Variants in SNRK observed in about 807,000 individuals in gnomAD.
SNRK encodes SNF related kinase, also known as SNF-related serine/threonine-protein kinase.
Under a neutral mutation model 48.2 loss-of-function variants are expected in SNRK, and 3 were observed. The observed-to-expected ratio is 0.06, with a 90% CI of 0.03 to 0.16. The LOEUF (loss-of-function observed/expected upper bound fraction) is 0.16. SNRK is among the 10% of genes least tolerant of loss of function. SNRK has a pLI of 1.00. For synonymous variants in SNRK, 376 were observed against 366.1 expected, an observed-to-expected ratio of 1.03 and a Z score of -0.31; for missense variants, 627 against 976.0, an observed-to-expected ratio of 0.64 and a Z score of 4.76.
intron 3 of SNRK, among the ~76,000 whole-genome samples, chr3:43,318,688 G>A (rs975842651): frequency 1.3e-5 from 2 of 152,024 alleles, no homozygotes; most frequent in Admixed American, 6.6e-5. Flanking sequence ...GCATGTTGCC[G>A]AACAGACTGA....
In SNRK at chr3:43,349,922, C is replaced by G. The variant is rs2091310120; in HGVS notation, c.*1365C>G. On this transcript the variant is annotated 3_prime_UTR_variant, in exon 7 of 7. Transcript: ENST00000296088. ...TGTGGCTGGGACCCAGGGCCCTTCC[C>G]CACTCTTCAGCCCCGAGTCATGTGT... The G allele has an allele frequency of 1.3e-5, 2 of 152,168 alleles. No individual in the cohort carries two copies. Among genetic ancestry groups the G allele is most frequent in the South Asian group, 4.1e-4 (2 of 4,832 alleles). 9.4% of individuals were successfully genotyped at this position (152,168 alleles called of 1,614,324 possible).
intron 2 of SNRK, among the ~76,000 whole-genome samples, chr3:43,301,041 A>T (rs1464804942): frequency 6.6e-6 from 1 of 152,206 alleles, no homozygotes; most frequent in Non-Finnish European, 1.5e-5. Context: ...TTTGAGGGGA[A>T]TTGTGAGGAT....
chr3:43,339,210 C>T (rs967486132), intron 4 of SNRK, among the ~76,000 whole-genome samples: 1 of 152,188 alleles, frequency 6.6e-6, no homozygotes, highest in Non-Finnish European at 1.5e-5. Flanking sequence ...TAGTTTGGAA[C>T]ACAGACTTGT....
chr3:43,333,358 C>CAAAAAA (rs33994267), intron 4 of SNRK: 4 of 62,308 alleles, frequency 6.4e-5, no homozygotes, highest in Admixed American at 2.7e-4. Flanking sequence ...GACTCTGTCT[C>CAAAAAA]AAAAAAAAAA....
At chr3:43,331,716 TACATC>T (rs1249427811) in intron 3 of SNRK, among the ~76,000 whole-genome samples, 3 of 152,208 alleles carry the variant, frequency 2.0e-5, no homozygotes, top group Non-Finnish European at 4.4e-5. Flanking sequence ...TGACATGAGT[TACATC>T]ACCTGGTTAC....
Position 43,303,841 on chromosome 3 carries a change from A to G in SNRK, c.589+49A>G. 7.7e-7 allele frequency: 1 copy of G among 1,299,030 alleles called. No homozygotes were observed. Among genetic ancestry groups the G allele is most frequent in the Non-Finnish European group, 1.1e-6 (1 of 919,290 alleles). 80.5% of individuals were successfully genotyped at this position (1,299,030 alleles called of 1,614,324 possible). On this transcript the variant is annotated intron_variant, in intron 3 of 6. Transcript: ENST00000296088. This position sits in a 1 kb window ranked among gnomAD's most constrained non-coding sequence, Gnocchi z 6.2. Reference sequence around the variant, plus strand: ...TGGCCATTTGAATTCTGCCAGCTAGAGTTGGTCAGATCGGTTGTTTATCTA... The same window carrying G: ...TGGCCATTTGAATTCTGCCAGCTAGGGTTGGTCAGATCGGTTGTTTATCTA...
intron 4 of SNRK, among the ~76,000 whole-genome samples, chr3:43,335,969 G>T (rs991960646): frequency 6.6e-6 from 1 of 152,104 alleles, no homozygotes; most frequent in African/African-American, 2.4e-5. Flanking sequence ...TTTTTTAACA[G>T]GCTGGAGCCG....
intron 1 of SNRK, among the ~76,000 whole-genome samples, chr3:43,287,502 T>TA (rs1417851085): frequency 2.6e-5 from 4 of 152,180 alleles, no homozygotes; most frequent in Non-Finnish European, 5.9e-5. Context: ...GTGGAGTTCC[T>TA]AAATCTATAG....
At chr3:43,334,153 T>C (rs1008400076) in intron 4 of SNRK, among the ~76,000 whole-genome samples, 1 of 150,580 alleles carries the variant, frequency 6.6e-6, no homozygotes, top group Non-Finnish European at 1.5e-5. Flanking sequence ...CTCAAAAAAC[T>C]AATAATTATT....
chr3:43,310,664 T>C (rs2090972628), intron 3 of SNRK, among the ~76,000 whole-genome samples: 1 of 152,200 alleles, frequency 6.6e-6, no homozygotes, highest in Non-Finnish European at 1.5e-5. Context: ...TATAGAAATA[T>C]ATATTCAAAA....
At position 43,289,915 on chromosome 3, in the gene SNRK, A is replaced by G. The variant is rs1444535032; in HGVS notation, c.-169+3240A>G. Reference sequence around the variant, plus strand: ...AGAGATCATTAGTTGTTCATCTAACATGTTTTAAGTTTTGGAGTATCTTCA... The same window carrying G: ...AGAGATCATTAGTTGTTCATCTAACGTGTTTTAAGTTTTGGAGTATCTTCA... On this transcript the variant is annotated intron_variant, in intron 1 of 6. Coordinates refer to ENST00000296088, the MANE Select transcript of SNRK (RefSeq NM_017719.5). 2.0e-5 allele frequency: 3 copies of G among 152,686 alleles called. 1 individual carries two copies. The highest frequency in any genetic ancestry group is 4.1e-4 in the South Asian group (2 of 4,830). 9.5% of individuals were successfully genotyped at this position (152,686 alleles called of 1,614,324 possible).
intron 3 of SNRK, among the ~76,000 whole-genome samples, chr3:43,325,568 C>T (rs941939241): frequency 6.6e-6 from 1 of 152,156 alleles, no homozygotes; most frequent in Non-Finnish European, 1.5e-5. Flanking sequence ...TTATAAAATG[C>T]TGATTCATAT....
chr3:43,325,572 T>A (rs1198110929), intron 3 of SNRK, among the ~76,000 whole-genome samples: 1 of 152,202 alleles, frequency 6.6e-6, no homozygotes, highest in Non-Finnish European at 1.5e-5. Flanking sequence ...AAAATGCTGA[T>A]TCATATAGGT....
chr3:43,292,095 A>G (rs2090816568), intron 1 of SNRK, among the ~76,000 whole-genome samples: 2 of 152,242 alleles, frequency 1.3e-5, no homozygotes, highest in Non-Finnish European at 2.9e-5. Context: ...CTAATGGCCA[A>G]CTGAGGCAGC....
intron 1 of SNRK, among the ~76,000 whole-genome samples, chr3:43,296,118 G>A (rs1344366947): frequency 6.6e-6 from 1 of 152,046 alleles, no homozygotes; most frequent in African/African-American, 2.4e-5. Context: ...TGACTTAAAG[G>A]TTATTCCTGG....
chr3:43,297,033 A>G (rs1443087057), intron 1 of SNRK, among the ~76,000 whole-genome samples: 1 of 152,214 alleles, frequency 6.6e-6, no homozygotes, highest in Non-Finnish European at 1.5e-5. Context: ...GGTCCAGCCT[A>G]GTTATATGCC....
intron 3 of SNRK, among the ~76,000 whole-genome samples, chr3:43,305,146 C>CT (rs374050244): frequency 2.1e-3 from 323 of 152,230 alleles, no homozygotes; most frequent in African/African-American, 7.4e-3. Flanking sequence ...TCAGACAAAA[C>CT]TAAGTGTTGG....
At chr3:43,298,127 C>A (rs1045100818) in intron 1 of SNRK, among the ~76,000 whole-genome samples, 2 of 152,254 alleles carry the variant, frequency 1.3e-5, no homozygotes, top group South Asian at 4.1e-4. Context: ...GTTTGATCCT[C>A]ACCATATCTT....
chr3:43,292,771 G>A (rs188348682), intron 1 of SNRK, among the ~76,000 whole-genome samples: 4 of 152,330 alleles, frequency 2.6e-5, no homozygotes, highest in Non-Finnish European at 4.4e-5. Flanking sequence ...TGGTGAGCCT[G>A]CCATCTATAG....
Sources: gnomAD v4.1 joint callset for allele counts (sites outside exome capture counted in the v4.1 genomes callset) on GRCh38, gnomAD v4.1.1 for gene constraint, Gnocchi (gnomAD v3.1) non-coding constraint, MANE v1.5 for transcripts, NCBI Gene and HGNC (gene_info 2026-07-23, HGNC 2026-07-21) for gene names.